The following CCDC57 variants were observed in gnomAD, a reference collection of about 807,000 sequenced individuals.
CCDC57 encodes coiled-coil domain containing 57.
A neutral mutation model predicts 118.9 loss-of-function variants in CCDC57; 118 were observed. That is an observed-to-expected ratio of 0.99 (90% confidence interval 0.86 to 1.16). The LOEUF (loss-of-function observed/expected upper bound fraction) is 1.16. Among genes scored for constraint, CCDC57 ranks in the 50% most tolerant of loss-of-function variants. The probability of loss-of-function intolerance (pLI) is 0.00; values close to 1 mark genes in which losing one functional copy is unlikely to be tolerated. For missense variants in CCDC57, 1,300 were observed against 1,320.7 expected (o/e 0.98, Z 0.24); for synonymous variants, 527 against 532.9 (o/e 0.99, Z 0.15).
At chr17:82,127,206 C>A (rs994587010) in intron 19 of CCDC57, 4 of 985,298 alleles carry the variant, frequency 4.1e-6, no homozygotes, top group African/African-American at 3.5e-5. Flanking sequence ...GATGAGGATG[C>A]GGCTGACACT....
chr17:82,195,133 C>T lies in CCDC57; in HGVS notation c.618+130G>A, dbSNP rs1046159223. ...CCACATGGCCCACCTGCTCGCTGGG[C>T]TTGAACTCCTGGGCCCAAGGGATCC... On this transcript the variant is annotated intron_variant, in intron 5 of 19. Transcript: ENST00000665763. The T allele has an allele frequency of 1.2e-5, 9 of 722,200 alleles. No homozygotes were observed. In the South Asian group the frequency reaches 1.5e-4, roughly 12 times the overall value. 44.7% of individuals were successfully genotyped at this position (722,200 alleles called of 1,614,324 possible).
chr17:82,168,748 A>AG (rs56105136), intron 13 of CCDC57, among the ~76,000 whole-genome samples: 116,131 of 151,242 alleles, frequency 0.77, 44,836 homozygotes, highest in East Asian at 0.95. Flanking sequence ...GAATGTTGCC[A>AG]GACAAAGAGG....
rs983500982 is a variant in CCDC57, at chr17:82,172,523, T to C, written c.1729+115A>G. 1.8e-5 allele frequency: 15 copies of C among 833,648 alleles called. No individual in the cohort carries two copies. Among genetic ancestry groups the C allele is most frequent in the African/African-American group, 5.1e-5 (3 of 59,008 alleles). The allele number at this position is 833,648 out of a possible 1,614,324, so 51.6% of individuals were successfully genotyped here. On this transcript the variant is annotated intron_variant, in intron 12 of 19. Coordinates refer to ENST00000665763, the Ensembl canonical transcript of CCDC57. The surrounding 1 kb of genome is among the most constrained non-coding windows in gnomAD (Gnocchi z 5.2). Reference sequence around the variant, plus strand: ...GTTTATTACAGGGGATGTTAACTTATAGGACTCTGAAATGAAGCCTCCTTG... The same window carrying C: ...GTTTATTACAGGGGATGTTAACTTACAGGACTCTGAAATGAAGCCTCCTTG...
At chr17:82,177,443 G>A (rs1426472140) in intron 11 of CCDC57, among the ~76,000 whole-genome samples, 1 of 152,168 alleles carries the variant, frequency 6.6e-6, no homozygotes, top group Non-Finnish European at 1.5e-5. Context: ...TACTGGAGCA[G>A]CTGAGACGGG....
In CCDC57 at chr17:82,118,339, C is replaced by A. The variant is rs2036193769; in HGVS notation, c.2899+9353G>T. Among the ~76,000 whole-genome samples the A allele has an allele frequency of 6.6e-6, 1 of 152,020 alleles. No individual in the cohort carries two copies. Among genetic ancestry groups the A allele is most frequent in the South Asian group, 2.1e-4 (1 of 4,820 alleles). ...TGTGGTGTTATCCATTAGCGCAGGACTGAAACCCGATGTGGGTGTTATCCA... is the reference window on the plus strand; with the variant it reads ...TGTGGTGTTATCCATTAGCGCAGGAATGAAACCCGATGTGGGTGTTATCCA... On this transcript the variant is annotated intron_variant, in intron 19 of 19. Transcript: ENST00000665763. The surrounding 1 kb of genome is among the most constrained non-coding windows in gnomAD (Gnocchi z 4.7).
chr17:82,210,324 G>A (rs2050078189), intron 1 of CCDC57, among the ~76,000 whole-genome samples: 1 of 152,058 alleles, frequency 6.6e-6, no homozygotes, highest in Admixed American at 6.6e-5. Context: ...CACATTAACA[G>A]TTATTTTGGG....
chr17:82,143,562 C>T (rs950632128), intron 16 of CCDC57, among the ~76,000 whole-genome samples: 2 of 152,176 alleles, frequency 1.3e-5, no homozygotes, highest in East Asian at 1.9e-4. Flanking sequence ...TCAGGGAGCA[C>T]GTCTGACATG....
chr17:82,108,657 C>T (rs894293696), intron 19 of CCDC57: 2 of 152,236 alleles, frequency 1.3e-5, no homozygotes, highest in African/African-American at 2.4e-5. Context: ...ACAGAGCAAA[C>T]ACCTCAGTTC....
At chr17:82,137,280 C>T (rs962133217) in intron 16 of CCDC57, among the ~76,000 whole-genome samples, 2 of 152,188 alleles carry the variant, frequency 1.3e-5, no homozygotes, top group Non-Finnish European at 2.9e-5. Flanking sequence ...CTCGGCCTCC[C>T]GAAGTGCTGG....
At chr17:82,116,241 C>T (rs2035901056) in intron 19 of CCDC57, among the ~76,000 whole-genome samples, 1 of 150,704 alleles carries the variant, frequency 6.6e-6, no homozygotes, top group East Asian at 2.0e-4. Context: ...ACCATTTTTG[C>T]TCCTAAACCA....
intron 13 of CCDC57, among the ~76,000 whole-genome samples, chr17:82,168,321 G>A (rs561415465): frequency 2.6e-5 from 4 of 152,280 alleles, no homozygotes; most frequent in Admixed American, 2.0e-4. Context: ...TAGGCCGGGC[G>A]CAGTGGCTCA....
intron 5 of CCDC57, 35 bp downstream of exon 4, chr17:82,195,228 A>G (rs1028303902): frequency 6.6e-7 from 1 of 1,517,236 alleles, no homozygotes; most frequent in Non-Finnish European, 9.0e-7. Flanking sequence ...GGAAAAACCG[A>G]AAAACCTTCA....
intron 16 of CCDC57, among the ~76,000 whole-genome samples, chr17:82,147,160 G>C (rs2040864501): frequency 6.6e-6 from 1 of 152,032 alleles, no homozygotes; most frequent in Non-Finnish European, 1.5e-5. Flanking sequence ...TGAGTGAAAG[G>C]ATGGATAGGT....
chr17:82,184,015 A>ACGCGCGCG, intron 8 of CCDC57, 83 bp from the exon 8 acceptor site: 1 of 525,134 alleles, frequency 1.9e-6, no homozygotes, highest in South Asian at 1.9e-5. Context: ...GCAAATACAC[A>ACGCGCGCG]TGCGCGCGCG....
intron 19 of CCDC57, chr17:82,127,457 G>A (rs535853014): frequency 1.4e-4 from 140 of 985,212 alleles, no homozygotes; most frequent in Non-Finnish European, 1.6e-4. Flanking sequence ...CCGGGTGTAC[G>A]GTGCTGCACT....
chr17:82,119,760 G>A (rs2036420437), intron 19 of CCDC57, among the ~76,000 whole-genome samples: 1 of 152,024 alleles, frequency 6.6e-6, no homozygotes, highest in Non-Finnish European at 1.5e-5. Flanking sequence ...AAGGGAGGGA[G>A]ATGAGGCTGG....
At chr17:82,120,767 T>G (rs1188750132) in intron 19 of CCDC57, among the ~76,000 whole-genome samples, 3 of 152,164 alleles carry the variant, frequency 2.0e-5, no homozygotes, top group Non-Finnish European at 4.4e-5. Flanking sequence ...TGCTTGCTTT[T>G]TTTTTTGAGA....
At chr17:82,181,066 C>T (rs1172009544) in intron 9 of CCDC57, among the ~76,000 whole-genome samples, 1 of 152,076 alleles carries the variant, frequency 6.6e-6, no homozygotes, top group Non-Finnish European at 1.5e-5. Context: ...CTTGCTGTGA[C>T]GAGGAGATGA....
At chr17:82,184,250 G>A (rs549014353) in intron 8 of CCDC57, among the ~76,000 whole-genome samples, 19 of 152,140 alleles carry the variant, frequency 1.2e-4, no homozygotes, top group South Asian at 2.1e-4. Context: ...CTTGGTGGGC[G>A]GAAGGTGAGG....
Sources: allele counts gnomAD v4.1 joint callset (sites outside exome capture counted in the v4.1 genomes callset), GRCh38; gene constraint gnomAD v4.1.1; non-coding constraint Gnocchi (gnomAD v3.1); transcripts MANE v1.5; gene names NCBI Gene and HGNC (gene_info 2026-07-23, HGNC 2026-07-21).